The following EPSTI1 variants were observed in gnomAD, a reference collection of about 807,000 sequenced individuals.
The protein encoded by EPSTI1 is epithelial-stromal interaction protein 1.
In EPSTI1, 66 loss-of-function variants were observed where a neutral mutation model predicts 49.9. The observed-to-expected ratio is 1.32, with a 90% CI of 1.08 to 1.62. The LOEUF is 1.62. EPSTI1 is among the 40% of genes most tolerant of loss of function. EPSTI1 has a pLI of 0.00. For missense variants in EPSTI1, 394 were observed against 365.5 expected, an observed-to-expected ratio of 1.08 and a Z score of -0.64; for synonymous variants, 137 against 130.7, an observed-to-expected ratio of 1.05 and a Z score of -0.33.
chr13:42,973,431 C>G (rs916251852), intron 1 of EPSTI1, among the ~76,000 whole-genome samples: 3 of 152,132 alleles, frequency 2.0e-5, no homozygotes, highest in African/African-American at 7.2e-5. Context: ...ACCTTCTCAG[C>G]AATATTTTAT....
chr13:42,983,803 T>C (rs1034717858), intron 1 of EPSTI1, among the ~76,000 whole-genome samples: 9 of 152,050 alleles, frequency 5.9e-5, no homozygotes, highest in African/African-American at 1.9e-4. Context: ...AAAAGAATAT[T>C]CAATAATGTA....
In EPSTI1 at chr13:42,963,301, G is replaced by A. The variant is rs1257015858; in HGVS notation, c.443C>T (p.Ala148Val). 1 of 1,613,494 alleles carries A rather than the reference G, an allele frequency of 6.2e-7. No homozygotes were observed. The highest frequency in any genetic ancestry group is 1.1e-5 in the South Asian group (1 of 90,972). ...CATTTTTTGGAGTTCAGCTTCTTCA[G>A]CTTCCTTCTTGATTCTTACAGATTC... ...REESVRIKKE[A>V]EEAELQKMKA... is the part of the protein sequence containing the mutation. The change falls in exon 5 of 11, where the codon GCT becomes GTT. Residue 148 changes from alanine (A) to valine (V), a missense_variant. Transcript: ENST00000313624.
chr13:42,964,326 G>A lies in EPSTI1; in HGVS notation c.332-187C>T, dbSNP rs146157060. The stretch of plus-strand genomic sequence containing the variant: ...GAAGGGGAATCACTTAGAAGAAAGA[G>A]CTGGATAGAAAGAGGAGACCATATT... On this transcript the variant is annotated intron_variant, in intron 3 of 10. Coordinates refer to ENST00000313624, the MANE Select transcript of EPSTI1 (RefSeq NM_033255.5). Among the ~76,000 whole-genome samples, 682 of 148,318 alleles carry A rather than the reference G, an allele frequency of 4.6e-3. 2 individuals are homozygous for A. The highest frequency in any genetic ancestry group is 0.017 in the Middle Eastern group (5 of 294).
At chr13:42,916,476 G>A (rs2037835420) in intron 8 of EPSTI1, among the ~76,000 whole-genome samples, 1 of 152,136 alleles carries the variant, frequency 6.6e-6, no homozygotes, top group African/African-American at 2.4e-5. Flanking sequence ...CTGTTGGGAA[G>A]AAGATAGCAC....
chr13:42,969,114 T>G lies in EPSTI1; in HGVS notation c.311A>C (p.His104Pro), dbSNP rs753466267. 5.6e-6 allele frequency: 9 copies of G among 1,614,056 alleles called. No individual in the cohort carries two copies. The highest frequency in any genetic ancestry group is 7.6e-6 in the Non-Finnish European group (9 of 1,180,040). The part of the protein sequence containing the change: ...WKEQNRAKPV[H>P]LVPRRLGGSQ... ...CTTACCTAGCCGTCTGGGCACCAGG[T>G]GAACCGGTTTAGCTCTGTTCTGCTC... is the stretch of plus-strand genomic sequence containing the variant. Residue 104 changes from histidine to proline, a missense_variant, in exon 3 of 11, where the codon CAC (histidine) becomes CCC (proline). Transcript: ENST00000313624.
intron 6 of EPSTI1, among the ~76,000 whole-genome samples, chr13:42,944,311 C>A (rs982154271): frequency 6.6e-6 from 1 of 152,196 alleles, no homozygotes; most frequent in Non-Finnish European, 1.5e-5. Context: ...AAATGTGGCA[C>A]ATATACACCA....
In EPSTI1 at chr13:42,888,128, T is replaced by G; in HGVS notation, c.*366A>C. ...AGCTTTCAAAACCTGATCTGAGAAT[T>G]AGATAAGAATATGTCACTTAGAAAG... On this transcript the variant is annotated 3_prime_UTR_variant, in exon 11 of 11. Transcript: ENST00000313624. The G allele has an allele frequency of 8.5e-7, 1 of 1,174,988 alleles. No individual in the cohort carries two copies. Among genetic ancestry groups the G allele is most frequent in the Non-Finnish European group, 1.2e-6 (1 of 840,286 alleles). 72.8% of individuals were successfully genotyped at this position (1,174,988 alleles called of 1,614,324 possible). A position where few individuals can be genotyped will look rare whatever the true frequency, so the allele number is the denominator to read the frequency against.
chr13:42,967,461 T>C (rs1244492456), intron 3 of EPSTI1, among the ~76,000 whole-genome samples: 5 of 152,190 alleles, frequency 3.3e-5, no homozygotes, highest in Non-Finnish European at 5.9e-5. Context: ...ACATTACAAA[T>C]GGCCCACATT....
At chr13:42,987,925 T>C (rs181469681) in intron 1 of EPSTI1, among the ~76,000 whole-genome samples, 76 of 152,338 alleles carry the variant, frequency 5.0e-4, no homozygotes, top group African/African-American at 1.8e-3. Flanking sequence ...TTATTGCTCA[T>C]GTTGAAGTCT....
At chr13:42,921,717 A>G (rs1258678933) in intron 7 of EPSTI1, among the ~76,000 whole-genome samples, 1 of 152,146 alleles carries the variant, frequency 6.6e-6, no homozygotes, top group African/African-American at 2.4e-5. Flanking sequence ...GGTATCTGTG[A>G]TTTTTAAAGC....
intron 8 of EPSTI1, among the ~76,000 whole-genome samples, chr13:42,915,722 C>T (rs187783629): frequency 3.6e-4 from 54 of 151,900 alleles, no homozygotes; most frequent in Admixed American, 5.9e-4. Context: ...GTAAGTTAAA[C>T]GAAATAATTT....
intron 7 of EPSTI1, among the ~76,000 whole-genome samples, chr13:42,921,363 C>A (rs973437558): frequency 6.6e-6 from 1 of 152,028 alleles, no homozygotes; most frequent in East Asian, 1.9e-4. Context: ...AAAATTATTT[C>A]CAGTTTGGAA....
intron 4 of EPSTI1, chr13:42,963,586 ATC>A (rs1442738477): frequency 1.9e-6 from 1 of 518,170 alleles, no homozygotes; most frequent in Non-Finnish European, 3.4e-6. Flanking sequence ...GTCTTTGTCT[ATC>A]TCTGTCTCTC....
In EPSTI1 at chr13:42,888,404, G is replaced by A; in HGVS notation, c.*90C>T. ...GGCAGTTGAAATTAAGGTAAAAACAGTGAGGCTGAACAAAATCACATTAAG... is the reference window on the plus strand; with the variant it reads ...GGCAGTTGAAATTAAGGTAAAAACAATGAGGCTGAACAAAATCACATTAAG... On this transcript the variant is annotated 3_prime_UTR_variant, in exon 11 of 11. Coordinates refer to ENST00000313624, the MANE Select transcript of EPSTI1 (RefSeq NM_033255.5). The A allele has an allele frequency of 6.2e-7, 1 of 1,614,160 alleles. No homozygotes were observed. The highest frequency in any genetic ancestry group is 8.5e-7 in the Non-Finnish European group (1 of 1,180,024).
chr13:42,888,655 G>T (rs575980755), intron 10 of EPSTI1, among the ~76,000 whole-genome samples, 153 bp from the exon 11 acceptor site: 1 of 152,132 alleles, frequency 6.6e-6, no homozygotes, highest in African/African-American at 2.4e-5. Flanking sequence ...CCATTGAAAC[G>T]ATTTGATTTT....
chr13:42,920,052 T>C (rs910273876), intron 7 of EPSTI1, among the ~76,000 whole-genome samples: 1 of 152,214 alleles, frequency 6.6e-6, no homozygotes, highest in Non-Finnish European at 1.5e-5. Flanking sequence ...TGCATGCTTC[T>C]GTGTCCCGAT....
At chr13:42,975,423 T>G (rs906687969) in intron 1 of EPSTI1, among the ~76,000 whole-genome samples, 1 of 152,208 alleles carries the variant, frequency 6.6e-6, no homozygotes, top group South Asian at 2.1e-4. Context: ...AAGAAGCTGA[T>G]GTGTAATTGA....
chr13:42,911,873 T>C (rs2037696151), intron 8 of EPSTI1, among the ~76,000 whole-genome samples: 1 of 152,226 alleles, frequency 6.6e-6, no homozygotes, highest in African/African-American at 2.4e-5. Context: ...GTAGATCAGA[T>C]GCTTAATTCA....
intron 5 of EPSTI1, among the ~76,000 whole-genome samples, chr13:42,958,705 C>T (rs2039349503): frequency 6.6e-6 from 1 of 151,962 alleles, no homozygotes; most frequent in African/African-American, 2.4e-5. Context: ...GAGACAAGGT[C>T]ACGTGCTGCA....
Sources: allele counts gnomAD v4.1 joint callset (sites outside exome capture counted in the v4.1 genomes callset), GRCh38; gene constraint gnomAD v4.1.1; transcripts MANE v1.5; gene names NCBI Gene and HGNC (gene_info 2026-07-23, HGNC 2026-07-21).